The following SCFD1 variants were observed in gnomAD, a reference collection of about 807,000 sequenced individuals.
SCFD1 encodes the protein sec1 family domain-containing protein 1.
A neutral mutation model predicts 103.2 loss-of-function variants in SCFD1; 37 were observed. The ratio of observed to expected loss-of-function variants is 0.36; its 90% CI spans 0.28 to 0.47. The LOEUF (loss-of-function observed/expected upper bound fraction) is 0.47. Among genes scored for constraint, SCFD1 ranks in the 20% least tolerant of loss-of-function variants. The pLI is 1.00. For missense variants in SCFD1, 639 were observed against 761.2 expected (o/e 0.84, Z 1.89); for synonymous variants, 264 against 245.0 (o/e 1.08, Z -0.73).
intron 10 of SCFD1, among the ~76,000 whole-genome samples, chr14:30,662,355 G>A (rs760402429): frequency 6.6e-5 from 10 of 152,302 alleles, no homozygotes; most frequent in Non-Finnish European, 1.3e-4. Context: ...GAGGATGGAA[G>A]CCAAAGCTGT....
At chr14:30,622,597 G>A in intron 1 of SCFD1, 198 bp downstream of exon 1, 2 of 923,164 alleles carry the variant, frequency 2.2e-6, no homozygotes, top group Non-Finnish European at 3.1e-6. Flanking sequence ...TGCAGGAGAA[G>A]GAGCTTCAGC....
intron 20 of SCFD1, among the ~76,000 whole-genome samples, chr14:30,717,468 C>T (rs140091211): frequency 6.6e-6 from 1 of 151,756 alleles, no homozygotes; most frequent in East Asian, 1.9e-4. Context: ...CAGAGTGAGA[C>T]CCTGTCTCAA....
chr14:30,705,979 C>T (rs111626714), intron 18 of SCFD1, 94 bp downstream of exon 18: 49 of 949,940 alleles, frequency 5.2e-5, no homozygotes, highest in African/African-American at 1.5e-4. Flanking sequence ...ACTTTGAATG[C>T]GGAAAATGTC....
At chr14:30,719,515 A>C in intron 21 of SCFD1, 138 bp downstream of exon 21, 13 of 636,488 alleles carry the variant, frequency 2.0e-5, no homozygotes, top group Admixed American at 3.2e-5. Flanking sequence ...GTATAATCTC[A>C]TTATCCAGAG....
intron 10 of SCFD1, among the ~76,000 whole-genome samples, chr14:30,656,572 G>C (rs978668630): frequency 6.6e-6 from 1 of 152,012 alleles, no homozygotes; most frequent in Non-Finnish European, 1.5e-5. Flanking sequence ...TTATACCCCG[G>C]GTGGCAGAAA....
intron 7 of SCFD1, among the ~76,000 whole-genome samples, chr14:30,647,138 C>G (rs1885916552): frequency 6.6e-6 from 1 of 151,990 alleles, no homozygotes; most frequent in Admixed American, 6.5e-5. Context: ...TAATATGTGA[C>G]TTTGTGCTTT....
chr14:30,707,682 CA>C (rs34928152), intron 18 of SCFD1: 7,815 of 307,326 alleles, frequency 0.025, 242 homozygotes, highest in African/African-American at 0.1. Flanking sequence ...TTATAACTCG[CA>C]AAAAAAAAAT....
intron 20 of SCFD1, among the ~76,000 whole-genome samples, chr14:30,716,950 G>T (rs1386139702): frequency 6.6e-6 from 1 of 152,140 alleles, no homozygotes; most frequent in Admixed American, 6.5e-5. Flanking sequence ...AGATAAAGTG[G>T]TATACAATGA....
At chr14:30,651,439 C>A (rs962955316) in intron 9 of SCFD1, among the ~76,000 whole-genome samples, 1 of 152,046 alleles carries the variant, frequency 6.6e-6, no homozygotes, top group Non-Finnish European at 1.5e-5. Flanking sequence ...CACTGTGTTT[C>A]AATTGTTTGG....
intron 24 of SCFD1, 56 bp from the exon 25 acceptor site, chr14:30,735,529 TG>T (rs1238876300): frequency 7.6e-6 from 9 of 1,186,608 alleles, no homozygotes; most frequent in Non-Finnish European, 1.1e-5. Flanking sequence ...TATGTTTGAA[TG>T]TTTCTTTTAT....
At chr14:30,638,392 A>T (rs535405883) in intron 5 of SCFD1, 145 bp downstream of exon 5, 1 of 1,169,836 alleles carries the variant, frequency 8.5e-7, no homozygotes, top group Non-Finnish European at 1.2e-6. Flanking sequence ...AAGAGTTCTG[A>T]TAATATAAAT....
intron 10 of SCFD1, among the ~76,000 whole-genome samples, chr14:30,668,612 G>A (rs567366093): frequency 1.6e-4 from 25 of 151,974 alleles, no homozygotes; most frequent in African/African-American, 4.8e-4. Context: ...GTGAACAGGC[G>A]GCCTACAGAA....
intron 13 of SCFD1, among the ~76,000 whole-genome samples, 190 bp from the exon 14 acceptor site, chr14:30,674,794 G>A (rs901655768): frequency 3.6e-4 from 54 of 152,110 alleles, no homozygotes; most frequent in African/African-American, 1.2e-3. Context: ...TTTAAAATAA[G>A]CATTTCACCT....
chr14:30,711,999 A>G (rs771190845), intron 19 of SCFD1, among the ~76,000 whole-genome samples: 3 of 152,080 alleles, frequency 2.0e-5, no homozygotes, highest in Admixed American at 2.0e-4. Flanking sequence ...CATGAACACG[A>G]GATGATTTTT....
chr14:30,645,964 T>G (rs1238135335), intron 7 of SCFD1, among the ~76,000 whole-genome samples: 1 of 152,152 alleles, frequency 6.6e-6, no homozygotes, highest in Non-Finnish European at 1.5e-5. Context: ...TGTCATAGAT[T>G]ACTCTTATTA....
intron 21 of SCFD1, among the ~76,000 whole-genome samples, chr14:30,721,030 A>G (rs1892615551): frequency 6.6e-6 from 1 of 152,122 alleles, no homozygotes; most frequent in Non-Finnish European, 1.5e-5. Flanking sequence ...GTGACTAATA[A>G]CTAGTAATAC....
chr14:30,659,065 A>C (rs1887185398), intron 10 of SCFD1, among the ~76,000 whole-genome samples: 1 of 152,084 alleles, frequency 6.6e-6, no homozygotes, highest in African/African-American at 2.4e-5. Context: ...GCAGTGTTTC[A>C]GTATATCTCC....
At chr14:30,629,601 T>A (rs1883889978) in intron 2 of SCFD1, among the ~76,000 whole-genome samples, 1 of 146,542 alleles carries the variant, frequency 6.8e-6, no homozygotes, top group Non-Finnish European at 1.5e-5. Flanking sequence ...TTTTTTGAGA[T>A]GGAATCTCGC....
intron 14 of SCFD1, among the ~76,000 whole-genome samples, chr14:30,677,353 T>C (rs867728217): frequency 3.9e-5 from 6 of 152,226 alleles, no homozygotes; most frequent in Middle Eastern, 6.8e-3. Flanking sequence ...TGAATCATTA[T>C]CTTGCTAATG....
Sources: gnomAD v4.1 joint callset for allele counts (sites outside exome capture counted in the v4.1 genomes callset) on GRCh38, gnomAD v4.1.1 for gene constraint, MANE v1.5 for transcripts, NCBI Gene and HGNC (gene_info 2026-07-23, HGNC 2026-07-21) for gene names.